LMBRD1: variants seen among roughly 807,000 people sequenced by gnomAD.
LMBRD1 encodes the protein LMBR1 domain containing 1.
In LMBRD1, 64 loss-of-function variants were observed where a neutral mutation model predicts 74.8. That is an observed-to-expected ratio of 0.86 (90% confidence interval 0.70 to 1.05). LMBRD1 has a LOEUF of 1.05. Among genes scored for constraint, LMBRD1 ranks in the 50% least tolerant of loss-of-function variants. The pLI is 0.00. For missense variants in LMBRD1, 652 were observed against 645.9 expected, an observed-to-expected ratio of 1.01 and a Z score of -0.10; for synonymous variants, 204 against 216.3, an observed-to-expected ratio of 0.94 and a Z score of 0.50.
At chr6:69,676,671 T>C in intron 14 of LMBRD1, 130 bp from the exon 15 acceptor site, 1 of 763,680 alleles carries the variant, frequency 1.3e-6, no homozygotes, top group Non-Finnish European at 2.2e-6. Context: ...TCAGAGATGG[T>C]ACTGAAACTT....
At chr6:69,749,630 C>T (rs991274560) in intron 4 of LMBRD1, among the ~76,000 whole-genome samples, 12 of 151,492 alleles carry the variant, frequency 7.9e-5, no homozygotes, top group Admixed American at 7.2e-4. Context: ...TAGTTAGGCC[C>T]TTGTAAAAAC....
chr6:69,703,752 T>C (rs533242570), intron 9 of LMBRD1, among the ~76,000 whole-genome samples: 1 of 152,092 alleles, frequency 6.6e-6, no homozygotes, highest in East Asian at 1.9e-4. Flanking sequence ...ACTATAGAGG[T>C]AACATCAATA....
intron 5 of LMBRD1, among the ~76,000 whole-genome samples, chr6:69,745,017 A>G (rs1225840578): frequency 6.6e-6 from 1 of 151,046 alleles, no homozygotes; most frequent in Non-Finnish European, 1.5e-5. Context: ...TAATTTTTGT[A>G]TTTTTAGTAG....
chr6:69,786,375 A>T (rs1055185844), intron 2 of LMBRD1, among the ~76,000 whole-genome samples: 1 of 152,214 alleles, frequency 6.6e-6, no homozygotes, highest in Admixed American at 6.5e-5. Flanking sequence ...TAAGATATGA[A>T]CAAACACCAA....
rs1246765385 is a variant in LMBRD1, at chr6:69,718,977, G to A, written c.741C>T (p.His247=). The A allele has an allele frequency of 6.2e-7, 1 of 1,613,250 alleles. No individual in the cohort carries two copies. Among genetic ancestry groups the A allele is most frequent in the African/African-American group, 1.3e-5 (1 of 74,886 alleles). The change falls in exon 8 of 16, where the codon CAC becomes CAT. Residue 247 remains histidine, a synonymous_variant. Coordinates refer to ENST00000649934, the MANE Select transcript of LMBRD1 (RefSeq NM_018368.4). ...TCACTTTTGATTTAATCGTTTGAAT[G>A]TGTTGTTCTACTTCTTCAATGTCTT... ...NTEDIEEVEQ[H]IQTIKSKSKD...
chr6:69,702,167 A>C (rs1166441184), intron 9 of LMBRD1, among the ~76,000 whole-genome samples: 1 of 151,886 alleles, frequency 6.6e-6, no homozygotes, highest in African/African-American at 2.4e-5. Context: ...AAAGAGACAA[A>C]GCATTTGAAA....
At chr6:69,754,275 T>A (rs9454884) in intron 3 of LMBRD1, among the ~76,000 whole-genome samples, 12 of 144,382 alleles carry the variant, frequency 8.3e-5, no homozygotes, top group African/African-American at 2.8e-4. Flanking sequence ...CTTGAAATGG[T>A]TAAGATGGTA....
chr6:69,726,160 C>T (rs963664183), intron 7 of LMBRD1, among the ~76,000 whole-genome samples: 1 of 152,146 alleles, frequency 6.6e-6, no homozygotes, highest in African/African-American at 2.4e-5. Flanking sequence ...CGGAGAAATG[C>T]AAATCAAAAC....
In LMBRD1 at chr6:69,780,567, G is replaced by T; in HGVS notation, c.247-13C>A. ...CATTAGCCCAGTCCTAGGATAAAAG[G>T]AAACAATAGAAATATTAATGAAACA... On this transcript the variant is annotated splice_polypyrimidine_tract_variant and intron_variant, in intron 2 of 15. Coordinates refer to ENST00000649934, the MANE Select transcript of LMBRD1 (RefSeq NM_018368.4). 1.9e-6 allele frequency: 3 copies of T among 1,590,464 alleles called. No individual in the cohort carries two copies. The highest frequency in any genetic ancestry group is 1.7e-6 in the Non-Finnish European group (2 of 1,159,850).
chr6:69,787,999 T>C (rs935485331), intron 2 of LMBRD1, among the ~76,000 whole-genome samples: 5 of 152,188 alleles, frequency 3.3e-5, no homozygotes, highest in African/African-American at 4.8e-5. Flanking sequence ...ATCTCATAGA[T>C]TTAAATATCG....
rs141820736 is a variant in LMBRD1, at chr6:69,709,373, C to T, written c.915+4272G>A. Among the ~76,000 whole-genome samples the T allele has an allele frequency of 3.9e-5, 6 of 152,234 alleles. No individual in the cohort carries two copies. The East Asian group carries it at 1.2e-3, about 29-fold the overall frequency. On this transcript the variant is annotated intron_variant, in intron 9 of 15. Coordinates refer to ENST00000649934, the MANE Select transcript of LMBRD1 (RefSeq NM_018368.4). The stretch of plus-strand genomic sequence containing the variant: ...AAGGAAAAAAAGCAGTGTTTATCTC[C>T]TCATAATACACATTAAACCCTCAAT...
At chr6:69,770,465 A>G (rs1765555157) in intron 3 of LMBRD1, among the ~76,000 whole-genome samples, 1 of 152,168 alleles carries the variant, frequency 6.6e-6, no homozygotes, top group African/African-American at 2.4e-5. Flanking sequence ...GTTTTGTCCA[A>G]CTTCATATTT....
In LMBRD1 at chr6:69,699,135, T is replaced by G; in HGVS notation, c.1246A>C (p.Ile416Leu). ...RPQALLFLCM[I>L]LLLIVLHTSY... ...GTGTGAAGGACAATAAGCAGAAGTATCATGCAGAGAAAAAGGAGTGCTTGG... is the reference window on the plus strand; with the variant it reads ...GTGTGAAGGACAATAAGCAGAAGTAGCATGCAGAGAAAAAGGAGTGCTTGG... Residue 416 changes from isoleucine to leucine, a missense_variant, in exon 13 of 16, where the codon ATA becomes CTA. This residue lies in a region of LMBRD1 where 598 missense variants were observed against 581.8 expected (regional missense o/e 1.03). Transcript: ENST00000649934. 6.2e-7 allele frequency: 1 copy of G among 1,611,320 alleles called. No individual in the cohort carries two copies.
intron 3 of LMBRD1, among the ~76,000 whole-genome samples, chr6:69,779,766 T>G (rs1356226180): frequency 1.3e-5 from 2 of 152,228 alleles, no homozygotes; most frequent in Non-Finnish European, 2.9e-5. Context: ...TACATATTAT[T>G]TATTCCTGTT....
chr6:69,719,182 T>C, intron 7 of LMBRD1, 101 bp from the exon 8 acceptor site: 1 of 1,089,518 alleles, frequency 9.2e-7, no homozygotes, highest in Non-Finnish European at 1.3e-6. Flanking sequence ...GAGTCAGCAG[T>C]TGTGAAAGAG....
intron 3 of LMBRD1, among the ~76,000 whole-genome samples, chr6:69,776,156 T>C (rs1449525637): frequency 1.3e-5 from 2 of 152,250 alleles, no homozygotes; most frequent in Non-Finnish European, 2.9e-5. Context: ...TAATGTCAAC[T>C]GTCTTATTTG....
chr6:69,723,412 T>A (rs922446452), intron 7 of LMBRD1, among the ~76,000 whole-genome samples: 1 of 152,200 alleles, frequency 6.6e-6, no homozygotes, highest in Non-Finnish European at 1.5e-5. Flanking sequence ...ATAAACCATA[T>A]GTTAGGTTAT....
intron 7 of LMBRD1, among the ~76,000 whole-genome samples, chr6:69,726,474 C>A (rs895911649): frequency 6.6e-6 from 1 of 152,124 alleles, no homozygotes; most frequent in Non-Finnish European, 1.5e-5. Flanking sequence ...TTGGAAACAA[C>A]CTAAGTGTCC....
intron 3 of LMBRD1, among the ~76,000 whole-genome samples, chr6:69,758,827 A>T (rs563638401): frequency 6.6e-6 from 1 of 152,278 alleles, no homozygotes; most frequent in Non-Finnish European, 1.5e-5. Context: ...GGCATAATAG[A>T]TCTCAACTAA....
Sources: allele counts gnomAD v4.1 joint callset (sites outside exome capture counted in the v4.1 genomes callset), GRCh38; gene constraint gnomAD v4.1.1; regional missense constraint gnomAD v4.1.1; transcripts MANE v1.5; gene names NCBI Gene and HGNC (gene_info 2026-07-23, HGNC 2026-07-21).